The following DDX46 variants were observed in gnomAD, a reference collection of about 807,000 sequenced individuals.
DDX46 encodes the protein DEAD-box helicase 46.
Under a neutral mutation model 134.9 loss-of-function variants are expected in DDX46, and 30 were observed. The observed-to-expected ratio is 0.22, with a 90% confidence interval of 0.17 to 0.30. The LOEUF (loss-of-function observed/expected upper bound fraction) is 0.30. DDX46 is among the 10% of genes least tolerant of loss of function. The pLI, the probability that DDX46 is intolerant of heterozygous loss-of-function variation, is 1.00. For synonymous variants in DDX46, 415 were observed against 404.1 expected (o/e 1.03, Z -0.32); for missense variants, 622 against 1,248.7 (o/e 0.50, Z 7.56).
chr5:134,784,498 C>T lies in DDX46; in HGVS notation c.1299C>T (p.His433=), dbSNP rs1473120711. The T allele has an allele frequency of 1.9e-6, 3 of 1,613,820 alleles. No individual in the cohort carries two copies. The highest frequency in any genetic ancestry group is 1.3e-5 in the African/African-American group (1 of 75,030). The part of the protein sequence containing the change: ...TIAFLLPMFR[H]IMDQRSLEEG... ...CTTTTCTGTTGCCCATGTTTAGACA[C>T]ATCATGGATCAGAGGTCATTAGAGG... The change falls in exon 10 of 23, where the codon CAC becomes CAT. Residue 433 remains histidine (H), a synonymous_variant. Transcript: ENST00000452510.
chr5:134,809,868 C>A (rs953260923), intron 16 of DDX46, among the ~76,000 whole-genome samples: 5 of 151,946 alleles, frequency 3.3e-5, no homozygotes, highest in African/African-American at 1.2e-4. Flanking sequence ...AAAAAATTAG[C>A]CGGGCATGGT....
At chr5:134,803,334 G>A (rs1415196472) in intron 15 of DDX46, among the ~76,000 whole-genome samples, 1 of 151,804 alleles carries the variant, frequency 6.6e-6, no homozygotes. Context: ...CAACTGCTTA[G>A]ATTTTTGCCT....
At chr5:134,796,670 T>C (rs935539831) in intron 15 of DDX46, among the ~76,000 whole-genome samples, 1 of 151,714 alleles carries the variant, frequency 6.6e-6, no homozygotes, top group African/African-American at 2.4e-5. Flanking sequence ...CTGGCCAACA[T>C]GGCGAAACTC....
intron 22 of DDX46, among the ~76,000 whole-genome samples, chr5:134,827,301 G>A (rs1580825807): frequency 1.3e-5 from 2 of 150,496 alleles, no homozygotes. Context: ...TGGAGACTGA[G>A]TCTTGCATTG....
chr5:134,763,637 A>C (rs569391090), intron 1 of DDX46, among the ~76,000 whole-genome samples: 20 of 152,112 alleles, frequency 1.3e-4, no homozygotes, highest in Middle Eastern at 3.4e-3. Context: ...CCTTTACCGG[A>C]GTGTAAGCTG....
chr5:134,766,832 T>A (rs1434386395), intron 2 of DDX46, 85 bp from the exon 3 acceptor site: 1 of 1,455,964 alleles, frequency 6.9e-7, no homozygotes, highest in Non-Finnish European at 9.2e-7. Flanking sequence ...GTGATTAAGA[T>A]TCTTTCAATG....
In DDX46 at chr5:134,830,678, A is replaced by G. The variant is rs937196107; in HGVS notation, c.*1972A>G. 2 of 152,644 alleles carry G rather than the reference A, an allele frequency of 1.3e-5. No individual in the cohort carries two copies. Among genetic ancestry groups the G allele is most frequent in the African/African-American group, 2.4e-5 (1 of 41,464 alleles). 9.5% of individuals were successfully genotyped at this position (152,644 alleles called of 1,614,324 possible). On this transcript the variant is annotated 3_prime_UTR_variant, in exon 23 of 23. Coordinates refer to ENST00000452510, the MANE Select transcript of DDX46 (RefSeq NM_001300860.2). The stretch of plus-strand genomic sequence containing the variant: ...CTTGGATCCTTCACACATCCACTTA[A>G]TTTCTTGAAGGAAGAAAACAGACAA...
At chr5:134,783,293 A>G (rs1004444739) in intron 9 of DDX46, among the ~76,000 whole-genome samples, 7 of 151,268 alleles carry the variant, frequency 4.6e-5, no homozygotes, top group African/African-American at 1.7e-4. Flanking sequence ...TCTGTTGCCC[A>G]GGGTGGAGTG....
chr5:134,783,795 C>G (rs573107503), intron 9 of DDX46, among the ~76,000 whole-genome samples: 14 of 150,790 alleles, frequency 9.3e-5, no homozygotes, highest in African/African-American at 3.2e-4. Context: ...ATGATCCACC[C>G]GCTGCGGCCT....
In DDX46 at chr5:134,764,101, T is replaced by C. The variant is rs758486483; in HGVS notation, c.206+9T>C. 4 of 1,586,118 alleles carry C rather than the reference T, an allele frequency of 2.5e-6. 1 individual carries two copies. The South Asian group carries it at 3.4e-5, about 14-fold the overall frequency. ...GACAGGAAGCGTCTGAGGTAAGACA[T>C]TAATTAATTTCCAAAAGACGAGTGA... On this transcript the variant is annotated intron_variant, in intron 2 of 22. Transcript: ENST00000452510.
At chr5:134,759,853 A>G (rs940737861) in intron 1 of DDX46, among the ~76,000 whole-genome samples, 11 of 152,196 alleles carry the variant, frequency 7.2e-5, no homozygotes, top group Non-Finnish European at 1.3e-4. Context: ...AACTACAGAA[A>G]ATTCCTGTGA....
At chr5:134,785,634 G>A (rs1176245830) in intron 11 of DDX46, 48 bp downstream of exon 11, 1 of 1,561,408 alleles carries the variant, frequency 6.4e-7, no homozygotes, top group Admixed American at 2.0e-5. Context: ...TCTCAAGTTG[G>A]ATGATTCAAT....
At chr5:134,792,638 A>C (rs1321010672) in intron 13 of DDX46, among the ~76,000 whole-genome samples, 2 of 152,228 alleles carry the variant, frequency 1.3e-5, no homozygotes, top group African/African-American at 4.8e-5. Flanking sequence ...GTTCTTATAG[A>C]GTGAGTTCAA....
rs551727582 is a variant in DDX46, at chr5:134,829,539, T to A, written c.*833T>A. 2 of 152,368 alleles carry A rather than the reference T, an allele frequency of 1.3e-5. No homozygotes were observed. Among genetic ancestry groups the A allele is most frequent in the Non-Finnish European group, 2.9e-5 (2 of 68,038 alleles). The allele number at this position is 152,368 out of a possible 1,614,324, so 9.4% of individuals were successfully genotyped here. A position where few individuals can be genotyped will look rare whatever the true frequency, so the allele number is the denominator to read the frequency against. The stretch of plus-strand genomic sequence containing the variant: ...AATATCCTACTACTTTTAATCTGAT[T>A]TTTCTTCAGGATTATTGAGTAGGTT... On this transcript the variant is annotated 3_prime_UTR_variant, in exon 23 of 23. Transcript: ENST00000452510.
chr5:134,827,145 A>G, intron 22 of DDX46, 125 bp downstream of exon 22: 2 of 884,604 alleles, frequency 2.3e-6, no homozygotes, highest in Non-Finnish European at 3.4e-6. Context: ...TAATAAGCAT[A>G]CCAGTGTAGT....
In DDX46 at chr5:134,789,775, A is replaced by T. The variant is rs117946256; in HGVS notation, c.1544-695A>T. Reference sequence around the variant, plus strand: ...GTTAATATTTTAGAAGGAATTTCCTATGTATGTATTTTGTTTTCACTGGTT... The same window carrying T: ...GTTAATATTTTAGAAGGAATTTCCTTTGTATGTATTTTGTTTTCACTGGTT... On this transcript the variant is annotated intron_variant, in intron 12 of 22. Transcript: ENST00000452510. Among the ~76,000 whole-genome samples the T allele has an allele frequency of 8.5e-3, 1,298 of 152,296 alleles. 6 individuals are homozygous for T. The highest frequency in any genetic ancestry group is 0.041 in the Middle Eastern group (12 of 294).
At chr5:134,803,318 T>TC (rs565169769) in intron 15 of DDX46, among the ~76,000 whole-genome samples, 215 of 152,230 alleles carry the variant, frequency 1.4e-3, no homozygotes, top group African/African-American at 5.0e-3. Flanking sequence ...TTTTTTTTTT[T>TC]CATCCCAACT....
intron 15 of DDX46, among the ~76,000 whole-genome samples, chr5:134,798,482 C>T (rs1754734476): frequency 6.6e-6 from 1 of 152,152 alleles, no homozygotes; most frequent in Non-Finnish European, 1.5e-5. Context: ...GGATTACATG[C>T]GTGAACCACC....
At chr5:134,783,768 C>T (rs1013579657) in intron 9 of DDX46, among the ~76,000 whole-genome samples, 3 of 150,278 alleles carry the variant, frequency 2.0e-5, no homozygotes, top group African/African-American at 4.9e-5. Context: ...AGGGTGGTCT[C>T]GAACTCTCTA....
Sources: allele counts gnomAD v4.1 joint callset (sites outside exome capture counted in the v4.1 genomes callset), GRCh38; gene constraint gnomAD v4.1.1; transcripts MANE v1.5; gene names NCBI Gene and HGNC (gene_info 2026-07-23, HGNC 2026-07-21).